Variants in FIBCD1 observed in about 807,000 individuals in gnomAD.
The protein encoded by FIBCD1 is fibrinogen C domain-containing protein 1.
FIBCD1 carries 47 observed loss-of-function variants against 45.1 expected under a neutral mutation model. The observed-to-expected ratio is 1.04, with a 90% CI of 0.82 to 1.33. The LOEUF (loss-of-function observed/expected upper bound fraction) is 1.33, where lower values mean the gene tolerates loss of function less well. FIBCD1 is among the 40% of genes most tolerant of loss of function. FIBCD1 has a pLI of 0.00. For synonymous variants in FIBCD1, 313 were observed against 308.1 expected (o/e 1.02, Z -0.17); for missense variants, 653 against 682.2 (o/e 0.96, Z 0.48).
rs1376125775 is a variant in FIBCD1, at chr9:130,938,571, C to T, written c.37G>A (p.Ala13Thr). ...TCGCGCGGCCGGTCCTCAAGTTGGG[C>T]AGCGCCGCCCATGGTCTTCCACCGG... The part of the protein sequence containing the change: ...NDRWKTMGGA[A>T]QLEDRPRDKP... The change falls in exon 1 of 7, where the codon GCC (alanine) becomes ACC (threonine). Residue 13 changes from alanine to threonine, a missense_variant. Physicochemically the swap from Ala to Thr is moderately conservative, Grantham distance 58. Coordinates refer to ENST00000372338, the MANE Select transcript of FIBCD1 (RefSeq NM_032843.5). 1.3e-6 allele frequency: 2 copies of T among 1,489,192 alleles called. No homozygotes were observed. The highest frequency in any genetic ancestry group is 8.9e-7 in the Non-Finnish European group (1 of 1,124,732). The allele number at this position is 1,489,192 out of a possible 1,614,324, so 92.2% of individuals were successfully genotyped here. A position where few individuals can be genotyped will look rare whatever the true frequency, so the allele number is the denominator to read the frequency against.
chr9:130,914,424 G>A (rs998748379), intron 4 of FIBCD1, among the ~76,000 whole-genome samples: 2 of 152,266 alleles, frequency 1.3e-5, no homozygotes, highest in African/African-American at 4.8e-5. Context: ...CAGACTTGGA[G>A]GTTGGGGAGA....
rs1273195944 is a variant in FIBCD1 at position 130,924,307 on chromosome 9, G to A, written c.642C>T (p.Gly214=). Residue 214 remains glycine (G), a synonymous_variant, in exon 3 of 7, where the codon GGC becomes GGT. Transcript: ENST00000372338. The part of the protein sequence containing the change: ...LDALQRDRGL[G]RPRNKADLQR... Reference sequence around the variant, plus strand: ...GAAGGTCGGCCTTGTTGCGGGGCCGGCCCAGCCCCCGGTCCCTCTGCAGGG... The same window carrying A: ...GAAGGTCGGCCTTGTTGCGGGGCCGACCCAGCCCCCGGTCCCTCTGCAGGG... 6 of 1,604,972 alleles carry A rather than the reference G, an allele frequency of 3.7e-6. No homozygotes were observed. In the Admixed American group the frequency reaches 6.8e-5, roughly 18 times the overall value.
At chr9:130,930,165 G>T (rs1832423974) in intron 1 of FIBCD1, 119 bp from the exon 2 acceptor site, 2 of 1,286,982 alleles carry the variant, frequency 1.6e-6, no homozygotes, top group South Asian at 3.1e-5. Flanking sequence ...GCAAGGGCGT[G>T]GCACAGAGAC....
rs549053512 is a variant in FIBCD1 at position 130,922,464 on chromosome 9, G to C, written c.849+1280C>G. On this transcript the variant is annotated intron_variant, in intron 4 of 6. Transcript: ENST00000372338. The surrounding 1 kb of genome is among the most constrained non-coding windows in gnomAD (Gnocchi z 4.5). Reference sequence around the variant, plus strand: ...TGAGGAAACGGGGGCTCAGAGAACCGAGGTAAGTTGCCCCAGGTCACACAG... The same window carrying C: ...TGAGGAAACGGGGGCTCAGAGAACCCAGGTAAGTTGCCCCAGGTCACACAG... Among the ~76,000 whole-genome samples, 2 of 152,124 alleles carry C rather than the reference G, an allele frequency of 1.3e-5. No homozygotes were observed. Among genetic ancestry groups the C allele is most frequent in the Non-Finnish European group, 2.9e-5 (2 of 68,030 alleles).
In FIBCD1 at chr9:130,902,633, T is replaced by C. The variant is rs1362764553; in HGVS notation, c.*1431A>G. 2.6e-5 allele frequency: 4 copies of C among 152,212 alleles called. No homozygotes were observed. The highest frequency in any genetic ancestry group is 9.6e-5 in the African/African-American group (4 of 41,462). The allele number at this position is 152,212 out of a possible 1,614,324, so 9.4% of individuals were successfully genotyped here. On this transcript the variant is annotated 3_prime_UTR_variant, in exon 7 of 7. Coordinates refer to ENST00000372338, the MANE Select transcript of FIBCD1 (RefSeq NM_032843.5). Reference sequence around the variant, plus strand: ...GTCCTTTGGAGGAAGCCACCTCCCCTCCTGCCCGAGGAGAGGCTGCTAGGC... The same window carrying C: ...GTCCTTTGGAGGAAGCCACCTCCCCCCCTGCCCGAGGAGAGGCTGCTAGGC...
chr9:130,933,083 A>C (rs1440731829), intron 1 of FIBCD1, among the ~76,000 whole-genome samples: 1 of 152,176 alleles, frequency 6.6e-6, no homozygotes, highest in African/African-American at 2.4e-5. Flanking sequence ...GAGGGCACCG[A>C]AATGGGGAGG....
chr9:130,916,335 G>A (rs374929111), intron 4 of FIBCD1, among the ~76,000 whole-genome samples: 2 of 152,232 alleles, frequency 1.3e-5, no homozygotes, highest in African/African-American at 4.8e-5. Flanking sequence ...CACGGAGTAC[G>A]CCCGCAGTTT....
At chr9:130,933,815 G>C (rs773072634) in intron 1 of FIBCD1, 19 of 152,246 alleles carry the variant, frequency 1.2e-4, no homozygotes, top group Admixed American at 9.8e-4. Flanking sequence ...CTTCCTAAGA[G>C]AGCTGGCTGG....
rs988340279 is a variant in FIBCD1 at position 130,926,024 on chromosome 9, A to G, written c.553-1628T>C. On this transcript the variant is annotated intron_variant, in intron 2 of 6. Coordinates refer to ENST00000372338, the MANE Select transcript of FIBCD1 (RefSeq NM_032843.5). The surrounding 1 kb of genome is among the most constrained non-coding windows in gnomAD (Gnocchi z 4.1). ...GAGGGCTGAGGCCAGGGGAGAGAGG[A>G]GCAGAGATGGGCAGGCAGGGCGTTT... Among the ~76,000 whole-genome samples the G allele has an allele frequency of 6.6e-6, 1 of 151,994 alleles. No individual in the cohort carries two copies. The highest frequency in any genetic ancestry group is 2.4e-5 in the African/African-American group (1 of 41,370).
rs556609176 is a variant in FIBCD1, at chr9:130,918,155, A to G, written c.849+5589T>C. 8.5e-5 allele frequency among the ~76,000 whole-genome samples: 13 copies of G among 152,368 alleles called. No homozygotes were observed. In the South Asian group the frequency reaches 2.7e-3, roughly 32 times the overall value. On this transcript the variant is annotated intron_variant, in intron 4 of 6. Transcript: ENST00000372338. Reference sequence around the variant, plus strand: ...TCCTCATCTGTAAAGCTAGGATTATAAAAGCCTCAACCCACAAAGTTTTGA... The same window carrying G: ...TCCTCATCTGTAAAGCTAGGATTATGAAAGCCTCAACCCACAAAGTTTTGA...
At chr9:130,939,901 A>ACGCCGCGCTCCCCTCC (rs1237799370), upstream of FIBCD1, among the ~76,000 whole-genome samples, 1 of 148,632 alleles carries the variant, frequency 6.7e-6, no homozygotes, top group Non-Finnish European at 1.5e-5. Flanking sequence ...ACACTGCCCG[A>ACGCCGCGCTCCCCTCC]CGCCGCGCTC....
At chr9:130,934,822 C>A (rs1832494937) in intron 1 of FIBCD1, among the ~76,000 whole-genome samples, 1 of 152,226 alleles carries the variant, frequency 6.6e-6, no homozygotes, top group South Asian at 2.1e-4. Context: ...GGATAGTCAC[C>A]TGCTCCTGTC....
At chr9:130,908,543 C>T (rs778804640) in intron 5 of FIBCD1, among the ~76,000 whole-genome samples, 30 of 152,310 alleles carry the variant, frequency 2.0e-4, no homozygotes, top group African/African-American at 2.4e-4. Flanking sequence ...CTGGGTTGGG[C>T]GCCAGTGTGT....
At chr9:130,921,067 G>T (rs1406408494) in intron 4 of FIBCD1, among the ~76,000 whole-genome samples, 3 of 152,226 alleles carry the variant, frequency 2.0e-5, no homozygotes, top group African/African-American at 4.8e-5. Context: ...GATGCCGGGG[G>T]TGGGGGGCAG....
intron 4 of FIBCD1, among the ~76,000 whole-genome samples, chr9:130,915,914 G>A (rs181831177): frequency 4.5e-4 from 69 of 152,164 alleles, no homozygotes; most frequent in Admixed American, 3.7e-3. Flanking sequence ...TTAGCTTAAT[G>A]CAGAAGGACG....
chr9:130,914,813 A>C lies in FIBCD1; in HGVS notation c.850-2925T>G, dbSNP rs904635297. 9.8e-5 allele frequency among the ~76,000 whole-genome samples: 15 copies of C among 152,334 alleles called. 1 individual carries two copies. Among genetic ancestry groups the C allele is most frequent in the Admixed American group, 5.2e-4 (8 of 15,310 alleles). On this transcript the variant is annotated intron_variant, in intron 4 of 6. Transcript: ENST00000372338. ...CTGCCCTGACTCTTCAGGATGTGGCAGGAGGGGCTGTTCCTGCCCCTGCGT... is the reference window on the plus strand; with the variant it reads ...CTGCCCTGACTCTTCAGGATGTGGCCGGAGGGGCTGTTCCTGCCCCTGCGT...
chr9:130,925,476 T>G (rs1308519626), intron 2 of FIBCD1, among the ~76,000 whole-genome samples: 1 of 152,196 alleles, frequency 6.6e-6, no homozygotes, highest in Non-Finnish European at 1.5e-5. Flanking sequence ...GTTCACTAGC[T>G]GCGTGACCCC....
chr9:130,913,061 C>G (rs1832091568), intron 4 of FIBCD1, among the ~76,000 whole-genome samples: 1 of 152,066 alleles, frequency 6.6e-6, no homozygotes, highest in Non-Finnish European at 1.5e-5. Flanking sequence ...CCAACGAGCG[C>G]CTGGGCTGCC....
Position 130,920,847 on chromosome 9 carries a change from CCTT to C in FIBCD1, c.849+2894_849+2896del, listed in dbSNP as rs546674919. Among the ~76,000 whole-genome samples the C allele has an allele frequency of 2.0e-5, 3 of 152,232 alleles. No individual in the cohort carries two copies. In the South Asian group the frequency reaches 6.2e-4, roughly 31 times the overall value. On this transcript the variant is annotated intron_variant, in intron 4 of 6. Transcript: ENST00000372338. The stretch of plus-strand genomic sequence containing the variant: ...CCCTGGCACAAGTCGGCTTCCTTGT[CCTT>C]CTGTCCACCAGGCTGGGAGCCCGCT...
Sources: gnomAD v4.1 joint callset for allele counts (sites outside exome capture counted in the v4.1 genomes callset) on GRCh38, gnomAD v4.1.1 for gene constraint, Gnocchi (gnomAD v3.1) non-coding constraint, MANE v1.5 for transcripts, NCBI Gene and HGNC (gene_info 2026-07-23, HGNC 2026-07-21) for gene names.